TBL3: variants seen among roughly 807,000 people sequenced by gnomAD.
The protein encoded by TBL3 is transducin beta like 3, also known as transducin beta-like protein 3.
Under a neutral mutation model 102.7 loss-of-function variants are expected in TBL3, and 71 were observed. The observed-to-expected ratio is 0.69, with a 90% CI of 0.57 to 0.84. TBL3 has a LOEUF of 0.84. Among genes scored for constraint, TBL3 ranks in the 40% least tolerant of loss-of-function variants. The pLI, the probability that TBL3 is intolerant of heterozygous loss-of-function variation, is 0.00. For synonymous variants in TBL3, 578 were observed against 477.7 expected (o/e 1.21, Z -2.74); for missense variants, 1,188 against 1,098.5 (o/e 1.08, Z -1.15).
At chr16:1,973,279 A>AT (rs1482460579) in intron 1 of TBL3, among the ~76,000 whole-genome samples, 6 of 152,072 alleles carry the variant, frequency 3.9e-5, no homozygotes, top group Non-Finnish European at 7.4e-5. Context: ...AATACAAAAA[A>AT]TTAGCTGGGC....
In TBL3 at chr16:1,978,462, C is replaced by G; in HGVS notation, c.2284C>G (p.Pro762Ala). ...GCGGGCAGCGCTTGAGGCCCTGCTG[C>G]CCTACACTGGTATGTGGGCACAGCC... Reference protein sequence around the residue: ...GVRAALEALLPYTERHFQRLS... With the variant: ...GVRAALEALLAYTERHFQRLS... Residue 762 changes from proline to alanine, a missense_variant, in exon 21 of 22, where the codon CCC becomes GCC. Pro to Ala is a conservative substitution (Grantham distance 27, BLOSUM62 -1). Transcript: ENST00000568546. 1.2e-6 allele frequency: 2 copies of G among 1,604,666 alleles called. No individual in the cohort carries two copies. Among genetic ancestry groups the G allele is most frequent in the South Asian group, 2.2e-5 (2 of 89,962 alleles).
chr16:1,980,147 G>C lies in TBL3; in HGVS notation c.*1462G>C, dbSNP rs1473337313. 1 of 1,605,536 alleles carries C rather than the reference G, an allele frequency of 6.2e-7. No homozygotes were observed. The highest frequency in any genetic ancestry group is 8.5e-7 in the Non-Finnish European group (1 of 1,178,372). On this transcript the variant is annotated 3_prime_UTR_variant, in exon 22 of 22. Coordinates refer to ENST00000568546, the MANE Select transcript of TBL3 (RefSeq NM_006453.3). Reference sequence around the variant, plus strand: ...GAGAGGCGGCCCGCAGCGCGAGAAAGAGGCTGCTCCTCTGGGGTGGGCAGG... The same window carrying C: ...GAGAGGCGGCCCGCAGCGCGAGAAACAGGCTGCTCCTCTGGGGTGGGCAGG...
chr16:1,977,903 T>C, intron 18 of TBL3, 55 bp from the exon 19 acceptor site: 2 of 1,594,034 alleles, frequency 1.3e-6, no homozygotes, highest in Non-Finnish European at 8.6e-7. Flanking sequence ...CTCCGATGGC[T>C]CTGCCTGCAG....
chr16:1,979,965 G>T lies in TBL3; in HGVS notation c.*1280G>T, dbSNP rs770417062. On this transcript the variant is annotated 3_prime_UTR_variant, in exon 22 of 22. Transcript: ENST00000568546. ...GGCTCCCTCGGGTCCAGGAGCAGAG[G>T]AGCAAATCCCTGGGTTCTTGGGGGG... 6.3e-7 allele frequency: 1 copy of T among 1,587,308 alleles called. No homozygotes were observed. The highest frequency in any genetic ancestry group is 8.6e-7 in the Non-Finnish European group (1 of 1,167,496).
Position 1,981,392 on chromosome 16 carries a change from G to A in TBL3, c.*2707G>A. ...CCACGATCTGGGGGCAGGAGCACAG[G>A]GATTGGGGGACTTCCAGGCAGAGCT... On this transcript the variant is annotated 3_prime_UTR_variant, in exon 22 of 22. Transcript: ENST00000568546. 8.0e-7 allele frequency: 1 copy of A among 1,245,130 alleles called. No individual in the cohort carries two copies. The allele number at this position is 1,245,130 out of a possible 1,614,324, so 77.1% of individuals were successfully genotyped here.
In TBL3 at chr16:1,975,111, C is replaced by A. The variant is rs1323828636; in HGVS notation, c.635+13C>A. ...ACACCATGCTCAGGTCAGCAGTGGG[C>A]CCTGGTAGGAGGGGGAGGCTTGGAA... On this transcript the variant is annotated intron_variant, in intron 7 of 21. Coordinates refer to ENST00000568546, the MANE Select transcript of TBL3 (RefSeq NM_006453.3). The A allele has an allele frequency of 1.2e-6, 2 of 1,612,120 alleles. No individual in the cohort carries two copies. The highest frequency in any genetic ancestry group is 2.7e-5 in the African/African-American group (2 of 74,890).
chr16:1,977,968 C>A lies in TBL3; in HGVS notation c.1969C>A (p.Leu657Met), dbSNP rs2083417984. ...CTCCCCTCCCCACAGGCAGCAAGAGCTGGACAACCTGCTGCATGAGAAGCG... is the reference window on the plus strand; with the variant it reads ...CTCCCCTCCCCACAGGCAGCAAGAGATGGACAACCTGCTGCATGAGAAGCG... ...QEEQVVRQQELDNLLHEKRYL... is the reference protein window; with the variant it reads ...QEEQVVRQQEMDNLLHEKRYL... The change falls in exon 19 of 22, where the codon CTG becomes ATG. Residue 657 changes from leucine to methionine, a missense_variant. Leu to Met is a conservative substitution (Grantham distance 15). Transcript: ENST00000568546. The A allele has an allele frequency of 1.3e-6, 2 of 1,599,890 alleles. No homozygotes were observed. Among genetic ancestry groups the A allele is most frequent in the Middle Eastern group, 1.8e-4 (1 of 5,446 alleles).
rs755204407 is a variant in TBL3, at chr16:1,979,871, T to C, written c.*1186T>C. The C allele has an allele frequency of 6.3e-7, 1 of 1,581,616 alleles. No individual in the cohort carries two copies. Among genetic ancestry groups the C allele is most frequent in the East Asian group, 2.3e-5 (1 of 42,798 alleles). On this transcript the variant is annotated 3_prime_UTR_variant, in exon 22 of 22. Coordinates refer to ENST00000568546, the MANE Select transcript of TBL3 (RefSeq NM_006453.3). ...AGGTAGGGCGCTGGAAACCAGGCGG[T>C]CTGCCGGTCTTCGTTCTCCACCAGC...
rs751157909 is a variant in TBL3 at position 1,977,187 on chromosome 16, G to C, written c.1574G>C (p.Trp525Ser). 3.1e-6 allele frequency: 5 copies of C among 1,613,126 alleles called. No individual in the cohort carries two copies. In the South Asian group the frequency reaches 5.5e-5, roughly 18 times the overall value. The part of the protein sequence containing the change: ...GVFSGHRRGL[W>S]CVQFSPMDQV... ...TTCTCAGGCCACCGGCGTGGCCTCT[G>C]GTGCGTCCAGTTCTCTCCCATGGAC... is the stretch of plus-strand genomic sequence containing the variant. Residue 525 changes from tryptophan to serine, a missense_variant, in exon 15 of 22, where the codon TGG becomes TCG. Physicochemically the swap from Trp to Ser is radical, Grantham distance 177. Transcript: ENST00000568546.
rs138475784 is a variant in TBL3 at position 1,978,415 on chromosome 16, A to T, written c.2237A>T (p.Glu746Val). Residue 746 changes from glutamate (E) to valine (V), a missense_variant, in exon 21 of 22, where the codon GAG becomes GTG. Glu to Val is a moderately radical substitution (Grantham distance 121). Transcript: ENST00000568546. ...CTCTTGAGGCGAGAGGCCCCCGAGG[A>T]GCTGCTGGCCTACGAAGGCGTGCGG... is the stretch of plus-strand genomic sequence containing the variant. ...GVLLRREAPE[E>V]LLAYEGVRAA... 1,990 of 1,611,104 alleles carry T rather than the reference A, an allele frequency of 1.2e-3. 5 individuals carry two copies. Among genetic ancestry groups the T allele is most frequent in the Non-Finnish European group, 1.6e-3 (1,905 of 1,178,936 alleles).
Position 1,977,765 on chromosome 16 carries a change from AGAG to A in TBL3, c.1927_1929del (p.Glu643del). ...AGGATGTGACCGAGGCGGAGCAGGC[AGAG>A]GAGCAGGCCAGGCAAGAGGAGCAGG... On this transcript the variant is annotated inframe_deletion, in exon 18 of 22. Transcript: ENST00000568546. 1 of 1,555,742 alleles carries A rather than the reference AGAG, an allele frequency of 6.4e-7. No individual in the cohort carries two copies. The highest frequency in any genetic ancestry group is 8.7e-7 in the Non-Finnish European group (1 of 1,149,090).
At chr16:1,973,314 A>G (rs2083374154) in intron 1 of TBL3, among the ~76,000 whole-genome samples, 1 of 149,418 alleles carries the variant, frequency 6.7e-6, no homozygotes, top group African/African-American at 2.5e-5. Flanking sequence ...CTGTAGTCCC[A>G]GCTACTCGGA....
In TBL3 at chr16:1,974,254, G is replaced by A; in HGVS notation, c.151G>A (p.Glu51Lys). The change falls in exon 3 of 22, where the codon GAA becomes AAA. Residue 51 changes from glutamate to lysine, a missense_variant. By Grantham distance (56) the Glu-to-Lys change is moderately conservative. Transcript: ENST00000568546. ...CVCGTRVNIL[E>K]VASGAVLRSL... The stretch of plus-strand genomic sequence containing the variant: ...CTGTGGCACCAGAGTCAACATTCTG[G>A]AAGTGGCCTCGGGGGCCGTGCTGCG... The A allele has an allele frequency of 6.2e-7, 1 of 1,603,610 alleles. No homozygotes were observed.
Position 1,979,971 on chromosome 16 carries a change from A to T in TBL3, c.*1286A>T. The stretch of plus-strand genomic sequence containing the variant: ...CTCGGGTCCAGGAGCAGAGGAGCAA[A>T]TCCCTGGGTTCTTGGGGGGCCCTAC... On this transcript the variant is annotated 3_prime_UTR_variant, in exon 22 of 22. Coordinates refer to ENST00000568546, the MANE Select transcript of TBL3 (RefSeq NM_006453.3). 6.3e-7 allele frequency: 1 copy of T among 1,591,614 alleles called. No individual in the cohort carries two copies.
Position 1,977,065 on chromosome 16 carries a change from C to A in TBL3, c.1452C>A (p.Ser484Arg). The A allele has an allele frequency of 6.2e-7, 1 of 1,613,248 alleles. No individual in the cohort carries two copies. Among genetic ancestry groups the A allele is most frequent in the Non-Finnish European group, 8.5e-7 (1 of 1,179,944 alleles). ...TCTCCCATTGCCAGGACATCAACAG[C>A]GTGGCTATTGCCCCCAACGACAAGC... is the stretch of plus-strand genomic sequence containing the variant. Reference protein sequence around the residue: ...TQRCHDKDINSVAIAPNDKLL... With the variant: ...TQRCHDKDINRVAIAPNDKLL... Residue 484 changes from serine (S) to arginine (R), a missense_variant, in exon 15 of 22, where the codon AGC becomes AGA. Coordinates refer to ENST00000568546, the MANE Select transcript of TBL3 (RefSeq NM_006453.3).
chr16:1,976,535 T>C (rs2083403326), intron 13 of TBL3, among the ~76,000 whole-genome samples: 1 of 152,148 alleles, frequency 6.6e-6, no homozygotes, highest in Non-Finnish European at 1.5e-5. Context: ...GGAAGGGCAT[T>C]AGGCAGAGAG....
chr16:1,974,616 G>A lies in TBL3; in HGVS notation c.316G>A (p.Ala106Thr), dbSNP rs149372450. Residue 106 changes from alanine (A) to threonine (T), a missense_variant, in exon 5 of 22, where the codon GCG becomes ACG. Physicochemically the swap from Ala to Thr is moderately conservative, Grantham distance 58. Coordinates refer to ENST00000568546, the MANE Select transcript of TBL3 (RefSeq NM_006453.3). ...QEGSVTRLWK[A>T]IHTAPVATMA... ...GGGCAGCGTTACCCGCCTGTGGAAG[G>A]CGATACACACGGCCCCCGTGGCCAC... The A allele has an allele frequency of 1.2e-4, 194 of 1,611,180 alleles. No homozygotes were observed. Among genetic ancestry groups the A allele is most frequent in the Non-Finnish European group, 1.6e-4 (189 of 1,178,400 alleles).
chr16:1,982,176 C>T lies in TBL3; in HGVS notation c.*3491C>T, dbSNP rs2031192941. On this transcript the variant is annotated 3_prime_UTR_variant, in exon 22 of 22. Coordinates refer to ENST00000568546, the MANE Select transcript of TBL3 (RefSeq NM_006453.3). ...TCCAGCCCCTTCAGGGAGCAGTCAG[C>T]CTCTAAGGCATCCCTCCAGGAAGCT... 6.6e-6 allele frequency: 1 copy of T among 152,226 alleles called. No homozygotes were observed. Among genetic ancestry groups the T allele is most frequent in the Non-Finnish European group, 1.5e-5 (1 of 68,070 alleles). The allele number at this position is 152,226 out of a possible 1,614,324, so 9.4% of individuals were successfully genotyped here.
Position 1,977,766 on chromosome 16 carries a change from G to A in TBL3, c.1924G>A (p.Glu642Lys), listed in dbSNP as rs1362493772. 1 of 1,555,870 alleles carries A rather than the reference G, an allele frequency of 6.4e-7. No individual in the cohort carries two copies. The highest frequency in any genetic ancestry group is 8.7e-7 in the Non-Finnish European group (1 of 1,149,140). ...WKDVTEAEQA[E>K]EQARQEEQVV... ...GGATGTGACCGAGGCGGAGCAGGCA[G>A]AGGAGCAGGCCAGGCAAGAGGAGCA... The change falls in exon 18 of 22, where the codon GAG (glutamate) becomes AAG (lysine). Residue 642 changes from glutamate to lysine, a missense_variant. Glu to Lys is a moderately conservative substitution (Grantham distance 56). Coordinates refer to ENST00000568546, the MANE Select transcript of TBL3 (RefSeq NM_006453.3).
Sources: allele counts gnomAD v4.1 joint callset (sites outside exome capture counted in the v4.1 genomes callset), GRCh38; gene constraint gnomAD v4.1.1; transcripts MANE v1.5; gene names NCBI Gene and HGNC (gene_info 2026-07-23, HGNC 2026-07-21).